The following SHROOM3 variants were observed in gnomAD, a reference collection of about 807,000 sequenced individuals.
SHROOM3 encodes shroom family member 3.
A neutral mutation model predicts 138.6 loss-of-function variants in SHROOM3; 47 were observed. The observed-to-expected ratio is 0.34, with a 90% CI of 0.27 to 0.43. The LOEUF is 0.43. Among genes scored for constraint, SHROOM3 ranks in the 20% least tolerant of loss-of-function variants. SHROOM3 has a pLI of 1.00. For missense variants in SHROOM3, 2,491 were observed against 2,596.5 expected, an observed-to-expected ratio of 0.96 and a Z score of 0.88; for synonymous variants, 1,062 against 1,063.3, an observed-to-expected ratio of 1.00 and a Z score of 0.02.
At chr4:76,680,882 C>T (rs538989061) in intron 2 of SHROOM3, among the ~76,000 whole-genome samples, 1 of 152,300 alleles carries the variant, frequency 6.6e-6, no homozygotes, top group South Asian at 2.1e-4. Flanking sequence ...GGGATTCCAC[C>T]TTGGTGGCAA....
chr4:76,480,730 G>T (rs1364164578), intron 1 of SHROOM3, among the ~76,000 whole-genome samples: 2 of 152,094 alleles, frequency 1.3e-5, no homozygotes, highest in African/African-American at 4.8e-5. Flanking sequence ...TACATAATTG[G>T]AAGTAAAACA....
At chr4:76,733,837 A>G (rs966063386) in intron 4 of SHROOM3, among the ~76,000 whole-genome samples, 7 of 152,138 alleles carry the variant, frequency 4.6e-5, no homozygotes, top group Non-Finnish European at 1.0e-4. Context: ...AGAGAGAGAG[A>G]GAAAGAGAAG....
At chr4:76,458,082 C>T (rs1029846080) in intron 1 of SHROOM3, among the ~76,000 whole-genome samples, 5 of 152,250 alleles carry the variant, frequency 3.3e-5, no homozygotes, top group African/African-American at 1.2e-4. Context: ...CATGAGTCAC[C>T]ACGCCTGGCT....
At chr4:76,630,889 C>T (rs937052312) in intron 2 of SHROOM3, among the ~76,000 whole-genome samples, 7 of 152,154 alleles carry the variant, frequency 4.6e-5, no homozygotes, top group African/African-American at 1.4e-4. Context: ...TGTGGATGGG[C>T]TACTGAGTTC....
intron 2 of SHROOM3, among the ~76,000 whole-genome samples, chr4:76,699,706 C>T (rs1719850566): frequency 6.6e-6 from 1 of 152,164 alleles, no homozygotes; most frequent in African/African-American, 2.4e-5. Flanking sequence ...CTCTTTCTTG[C>T]TCCTTTCCAC....
intron 2 of SHROOM3, among the ~76,000 whole-genome samples, chr4:76,598,713 G>C (rs1302012086): frequency 6.6e-6 from 1 of 152,194 alleles, no homozygotes; most frequent in African/African-American, 2.4e-5. Flanking sequence ...ACGTGGGCAG[G>C]GGGTAGCCCT....
Position 76,782,810 on chromosome 4 carries a change from G to A in SHROOM3, c.*3633G>A, listed in dbSNP as rs548405172. ...CTTTTCTACACAGGAATATATTATC[G>A]GGAACAAAGTATTTCCTGCTGCCTT... is the stretch of plus-strand genomic sequence containing the variant. On this transcript the variant is annotated 3_prime_UTR_variant, in exon 11 of 11. Coordinates refer to ENST00000296043, the MANE Select transcript of SHROOM3 (RefSeq NM_020859.4). 5 of 152,226 alleles carry A rather than the reference G, an allele frequency of 3.3e-5. No homozygotes were observed. In the East Asian group the frequency reaches 5.8e-4, roughly 18 times the overall value. 9.4% of individuals were successfully genotyped at this position (152,226 alleles called of 1,614,324 possible).
intron 1 of SHROOM3, among the ~76,000 whole-genome samples, chr4:76,471,328 T>G (rs1731366869): frequency 2.0e-5 from 3 of 151,666 alleles, no homozygotes; most frequent in Admixed American, 2.0e-4. Flanking sequence ...ACTACAACCT[T>G]TGCCTCCCGA....
Position 76,738,813 on chromosome 4 carries a change from C to T in SHROOM3, c.640C>T (p.Pro214Ser). 4 of 1,614,256 alleles carry T rather than the reference C, an allele frequency of 2.5e-6. No individual in the cohort carries two copies. Among genetic ancestry groups the T allele is most frequent in the Non-Finnish European group, 3.4e-6 (4 of 1,180,042 alleles). Residue 214 changes from proline to serine, a missense_variant, in exon 5 of 11, where the codon CCT becomes TCT. Coordinates refer to ENST00000296043, the MANE Select transcript of SHROOM3 (RefSeq NM_020859.4). Reference protein sequence around the residue: ...NYDHAYLRRSPDQCSSQGSME... With the variant: ...NYDHAYLRRSSDQCSSQGSME... ...TGACCATGCTTATCTAAGGCGGAGCCCTGACCAGTGCAGCTCCCAGGGGAG... is the reference window on the plus strand; with the variant it reads ...TGACCATGCTTATCTAAGGCGGAGCTCTGACCAGTGCAGCTCCCAGGGGAG...
intron 2 of SHROOM3, among the ~76,000 whole-genome samples, chr4:76,700,472 G>C (rs1053013900): frequency 1.3e-5 from 2 of 152,218 alleles, no homozygotes; most frequent in Non-Finnish European, 1.5e-5. Context: ...CTGTGTAAAA[G>C]TGAATGACAA....
chr4:76,557,635 G>A (rs1231294813), intron 2 of SHROOM3, among the ~76,000 whole-genome samples: 3 of 152,086 alleles, frequency 2.0e-5, no homozygotes, highest in Non-Finnish European at 4.4e-5. Context: ...ACACACACAG[G>A]TAACTGTGTG....
At chr4:76,703,513 G>A (rs1237769737) in intron 2 of SHROOM3, among the ~76,000 whole-genome samples, 1 of 152,176 alleles carries the variant, frequency 6.6e-6, no homozygotes, top group Non-Finnish European at 1.5e-5. Context: ...ACAGAAATCT[G>A]TGCCTGAGGG....
intron 2 of SHROOM3, among the ~76,000 whole-genome samples, chr4:76,564,564 A>G (rs1181255518): frequency 6.6e-6 from 1 of 152,178 alleles, no homozygotes; most frequent in African/African-American, 2.4e-5. Flanking sequence ...GTAACACATT[A>G]TTAGGTTTCC....
At position 76,637,332 on chromosome 4, in the gene SHROOM3, C is replaced by T. The variant is rs184265893; in HGVS notation, c.324-72824C>T. Among the ~76,000 whole-genome samples the T allele has an allele frequency of 1.5e-4, 23 of 152,242 alleles. No individual in the cohort carries two copies. The East Asian group carries it at 4.2e-3, about 28-fold the overall frequency. ...GCAATAGGCACAGGCTCTCTGTTTCCCGTTGTTTTTCTAGGTCTAATGAAA... is the reference window on the plus strand; with the variant it reads ...GCAATAGGCACAGGCTCTCTGTTTCTCGTTGTTTTTCTAGGTCTAATGAAA... On this transcript the variant is annotated intron_variant, in intron 2 of 10. Transcript: ENST00000296043.
intron 6 of SHROOM3, among the ~76,000 whole-genome samples, chr4:76,750,485 G>A (rs1261372201): frequency 6.6e-6 from 1 of 152,118 alleles, no homozygotes; most frequent in Non-Finnish European, 1.5e-5. Flanking sequence ...ACACAAAGAA[G>A]GGAACAATAG....
At chr4:76,540,342 T>C (rs1227148709) in intron 1 of SHROOM3, among the ~76,000 whole-genome samples, 1 of 152,318 alleles carries the variant, frequency 6.6e-6, no homozygotes, top group African/African-American at 2.4e-5. Context: ...TCTGAGATAG[T>C]AGCAATAATT....
intron 2 of SHROOM3, chr4:76,689,447 G>T (rs1719442918): frequency 1.2e-6 from 1 of 865,214 alleles, no homozygotes. Context: ...AGAGGTGGGC[G>T]AGCGCCCCGC....
At chr4:76,635,364 C>T (rs888233255) in intron 2 of SHROOM3, among the ~76,000 whole-genome samples, 1 of 152,264 alleles carries the variant, frequency 6.6e-6, no homozygotes, top group Middle Eastern at 3.4e-3. Context: ...TAGTTTGAGA[C>T]CTGCCCTCCT....
In SHROOM3 at chr4:76,763,709, T is replaced by C. The variant is rs1351060387; in HGVS notation, c.5349+4014T>C. On this transcript the variant is annotated intron_variant, in intron 9 of 10. Coordinates refer to ENST00000296043, the MANE Select transcript of SHROOM3 (RefSeq NM_020859.4). ...GTGAAATGCTGAAGTTCGGATTTTA[T>C]CATATGACAATGGAGAACCCTTTGA... 3.3e-5 allele frequency among the ~76,000 whole-genome samples: 5 copies of C among 152,360 alleles called. No homozygotes were observed. In the South Asian group the frequency reaches 8.3e-4, roughly 25 times the overall value.
Sources: gnomAD v4.1 joint callset for allele counts (sites outside exome capture counted in the v4.1 genomes callset) on GRCh38, gnomAD v4.1.1 for gene constraint, MANE v1.5 for transcripts, NCBI Gene and HGNC (gene_info 2026-07-23, HGNC 2026-07-21) for gene names.